The following NLGN1 variants were observed in gnomAD, a reference collection of about 807,000 sequenced individuals.
The protein encoded by NLGN1 is neuroligin 1.
In NLGN1, 12 loss-of-function variants were observed where a neutral mutation model predicts 65.5. That is an observed-to-expected ratio of 0.18 (90% CI 0.12 to 0.30). The LOEUF (loss-of-function observed/expected upper bound fraction) is 0.30, where lower values mean the gene tolerates loss of function less well. Ranked by LOEUF, NLGN1 falls within the 10% of genes least tolerant of loss-of-function variation. The probability of loss-of-function intolerance (pLI) is 1.00; values close to 1 mark genes in which losing one functional copy is unlikely to be tolerated. For missense variants in NLGN1, 750 were observed against 1,007.1 expected (o/e 0.74, Z 3.46); for synonymous variants, 350 against 359.5 (o/e 0.97, Z 0.30).
chr3:173,727,980 C>T (rs1425156093), intron 3 of NLGN1, among the ~76,000 whole-genome samples: 5 of 151,976 alleles, frequency 3.3e-5, no homozygotes, highest in Admixed American at 1.3e-4. Context: ...ATCTGAAGAA[C>T]GTAGATTCTA....
chr3:173,822,666 A>G (rs1720551457), intron 4 of NLGN1, among the ~76,000 whole-genome samples: 1 of 152,070 alleles, frequency 6.6e-6, no homozygotes, highest in Admixed American at 6.6e-5. Flanking sequence ...TACTCAAGCT[A>G]TATTTCACTT....
chr3:174,276,961 A>G (rs368954790), intron 5 of NLGN1, among the ~76,000 whole-genome samples: 29 of 151,946 alleles, frequency 1.9e-4, no homozygotes, highest in African/African-American at 6.8e-4. Context: ...CGTGAAAGCC[A>G]CCTTTAGCTA....
chr3:173,440,026 C>G (rs1560254689), intron 2 of NLGN1, among the ~76,000 whole-genome samples: 1 of 152,138 alleles, frequency 6.6e-6, no homozygotes. Context: ...AGTCAATTCT[C>G]TCTCTTAGTT....
At chr3:174,173,155 T>C (rs940360976) in intron 4 of NLGN1, among the ~76,000 whole-genome samples, 2 of 152,130 alleles carry the variant, frequency 1.3e-5, no homozygotes, top group African/African-American at 4.8e-5. Flanking sequence ...ATTTTGTTTG[T>C]TGATTTTGTA....
At chr3:174,226,912 A>C (rs1739822400) in intron 4 of NLGN1, among the ~76,000 whole-genome samples, 1 of 152,174 alleles carries the variant, frequency 6.6e-6, no homozygotes, top group Non-Finnish European at 1.5e-5. Flanking sequence ...AAAGGAGTAC[A>C]TGTGTTTTAA....
At chr3:173,668,016 A>G (rs948372678) in intron 3 of NLGN1, among the ~76,000 whole-genome samples, 1 of 152,194 alleles carries the variant, frequency 6.6e-6, no homozygotes, top group African/African-American at 2.4e-5. Flanking sequence ...CATGCGTGTA[A>G]TTCACAAACA....
intron 4 of NLGN1, among the ~76,000 whole-genome samples, chr3:173,877,471 C>A (rs549418195): frequency 1.2e-4 from 18 of 151,354 alleles, no homozygotes; most frequent in African/African-American, 4.4e-4. Flanking sequence ...CAGATTAAAT[C>A]CTAAAACAGA....
chr3:174,236,772 C>T (rs1405519635), intron 4 of NLGN1, among the ~76,000 whole-genome samples: 1 of 152,022 alleles, frequency 6.6e-6, no homozygotes, highest in Non-Finnish European at 1.5e-5. Context: ...TAACTGCACT[C>T]TATTTAGTCT....
intron 3 of NLGN1, among the ~76,000 whole-genome samples, chr3:173,702,009 G>A (rs985986048): frequency 7.2e-5 from 11 of 152,154 alleles, no homozygotes; most frequent in African/African-American, 2.7e-4. Context: ...GGAGGCCGAG[G>A]CGGGTGGATC....
chr3:173,678,481 A>G (rs1268495953), intron 3 of NLGN1, among the ~76,000 whole-genome samples: 3 of 152,106 alleles, frequency 2.0e-5, no homozygotes, highest in African/African-American at 7.2e-5. Flanking sequence ...TTTTGGATCT[A>G]TGTATTGAAG....
intron 3 of NLGN1, among the ~76,000 whole-genome samples, chr3:173,791,760 C>G (rs1330627945): frequency 6.6e-6 from 1 of 152,022 alleles, no homozygotes; most frequent in Non-Finnish European, 1.5e-5. Context: ...TGTATAGGAG[C>G]TAACCAGACT....
At chr3:174,190,144 C>A (rs565088990) in intron 4 of NLGN1, among the ~76,000 whole-genome samples, 3 of 151,960 alleles carry the variant, frequency 2.0e-5, no homozygotes, top group Non-Finnish European at 4.4e-5. Context: ...ACATATCATC[C>A]CTTGTTGAGT....
Position 173,871,485 on chromosome 3 carries a change from G to C in NLGN1, c.646+63653G>C, listed in dbSNP as rs929285246. 2.6e-5 allele frequency among the ~76,000 whole-genome samples: 4 copies of C among 152,184 alleles called. No homozygotes were observed. In the South Asian group the frequency reaches 8.3e-4, roughly 32 times the overall value. On this transcript the variant is annotated intron_variant, in intron 4 of 6. Transcript: ENST00000457714. The stretch of plus-strand genomic sequence containing the variant: ...CAGATCTTGATCTTTCTTTTCCTAG[G>C]GCTTGGCAAAATTCCTGGCACCTAA...
intron 1 of NLGN1, among the ~76,000 whole-genome samples, chr3:173,411,568 A>G (rs532581157): frequency 5.9e-5 from 9 of 152,268 alleles, no homozygotes; most frequent in Non-Finnish European, 1.0e-4. Context: ...GTATTAGGCA[A>G]CAAGAATGGG....
intron 3 of NLGN1, among the ~76,000 whole-genome samples, chr3:173,680,679 T>C (rs1303914486): frequency 6.6e-6 from 1 of 152,182 alleles, no homozygotes; most frequent in African/African-American, 2.4e-5. Context: ...CTGCATACAT[T>C]TGAAATGTGT....
At chr3:173,804,996 A>G (rs1314479265) in intron 3 of NLGN1, among the ~76,000 whole-genome samples, 1 of 152,214 alleles carries the variant, frequency 6.6e-6, no homozygotes, top group Non-Finnish European at 1.5e-5. Context: ...ACTGCACTCC[A>G]GCCTGGGTGA....
chr3:174,038,113 TAAAG>T (rs902641927), intron 4 of NLGN1, among the ~76,000 whole-genome samples: 5 of 146,064 alleles, frequency 3.4e-5, no homozygotes, highest in Admixed American at 2.7e-4. Context: ...AATAAGCTAA[TAAAG>T]AGAGAGAATG....
intron 3 of NLGN1, among the ~76,000 whole-genome samples, chr3:173,607,484 A>C (rs986959496): frequency 6.6e-6 from 1 of 151,686 alleles, no homozygotes; most frequent in Non-Finnish European, 1.5e-5. Context: ...TAAATAACAA[A>C]AATTTTTGAT....
rs71162356 is a variant in NLGN1 at position 173,734,381 on chromosome 3, A to ATTTTTTTTTTTT, written c.494-73278_494-73267dup. The stretch of plus-strand genomic sequence containing the variant: ...ATAATTAGATTCTGTGGATAATTCT[A>ATTTTTTTTTTTT]TTTTTTTTTTTTTTTTTTTTTTTTT... On this transcript the variant is annotated intron_variant, in intron 3 of 6. Transcript: ENST00000457714. Among the ~76,000 whole-genome samples, 85 of 40,082 alleles carry ATTTTTTTTTTTT rather than the reference A, an allele frequency of 2.1e-3. 6 individuals carry two copies. The highest frequency in any genetic ancestry group is 4.0e-3 in the East Asian group (4 of 992). 26.3% of individuals were successfully genotyped at this position (40,082 alleles called of 152,430 possible). A position where few individuals can be genotyped will look rare whatever the true frequency, so the allele number is the denominator to read the frequency against.
Sources: allele counts gnomAD v4.1 joint callset (sites outside exome capture counted in the v4.1 genomes callset), GRCh38; gene constraint gnomAD v4.1.1; transcripts MANE v1.5; gene names NCBI Gene and HGNC (gene_info 2026-07-23, HGNC 2026-07-21).